Variants in HSPA4 observed in about 807,000 individuals in gnomAD.
HSPA4 encodes heat shock protein family A (Hsp70) member 4, also known as heat shock 70 kDa protein 4.
In HSPA4, 25 loss-of-function variants were observed where a neutral mutation model predicts 106.2. That is an observed-to-expected ratio of 0.24 (90% CI 0.17 to 0.33). The LOEUF is 0.33. Among genes scored for constraint, HSPA4 ranks in the 10% least tolerant of loss-of-function variants. The pLI is 1.00. For missense variants in HSPA4, 841 were observed against 996.0 expected, an observed-to-expected ratio of 0.84 and a Z score of 2.10; for synonymous variants, 332 against 333.6, an observed-to-expected ratio of 1.00 and a Z score of 0.05.
chr5:133,070,154 G>C (rs577026752), intron 3 of HSPA4, among the ~76,000 whole-genome samples: 6 of 151,432 alleles, frequency 4.0e-5, no homozygotes, highest in African/African-American at 1.5e-4. Flanking sequence ...GAGAATGACA[G>C]AGAGAGAGAC....
At chr5:133,103,403 C>T (rs559033345) in intron 17 of HSPA4, among the ~76,000 whole-genome samples, 55 of 151,286 alleles carry the variant, frequency 3.6e-4, no homozygotes, top group African/African-American at 1.3e-3. Context: ...TAGTCTCGCT[C>T]TGTTGCCCAG....
In HSPA4 at chr5:133,089,056, G is replaced by T. The variant is rs1215868756; in HGVS notation, c.1139G>T (p.Cys380Phe). 1 of 1,568,224 alleles carries T rather than the reference G, an allele frequency of 6.4e-7. No individual in the cohort carries two copies. The highest frequency in any genetic ancestry group is 8.7e-7 in the Non-Finnish European group (1 of 1,147,458). ...AATTTTTGAAAATTATTATTCTAGT[G>T]TGCCATCTTATCGCCTGCTTTCAAA... ...EAVTRGCALQ[C>F]AILSPAFKVR... Residue 380 changes from cysteine to phenylalanine, a missense_variant and splice_region_variant, in exon 10 of 19, where the codon TGT becomes TTT. Cys to Phe is a radical substitution (Grantham distance 205). Coordinates refer to ENST00000304858, the MANE Select transcript of HSPA4 (RefSeq NM_002154.4).
chr5:133,088,266 G>T, intron 8 of HSPA4, 138 bp from the exon 9 acceptor site: 1 of 624,706 alleles, frequency 1.6e-6, no homozygotes, highest in Non-Finnish European at 2.9e-6. Flanking sequence ...TGTGAGTGTG[G>T]GCATGAGTAT....
At chr5:133,084,784 A>G (rs934580795) in intron 7 of HSPA4, among the ~76,000 whole-genome samples, 1 of 151,616 alleles carries the variant, frequency 6.6e-6, no homozygotes, top group Admixed American at 6.6e-5. Flanking sequence ...ATTCTTTTTT[A>G]TTGAGATGTA....
chr5:133,079,685 A>C (rs1019116720), intron 7 of HSPA4, among the ~76,000 whole-genome samples: 7 of 152,166 alleles, frequency 4.6e-5, no homozygotes, highest in Non-Finnish European at 7.4e-5. Context: ...TAACTTTTTG[A>C]GGAATCTCCA....
intron 17 of HSPA4, among the ~76,000 whole-genome samples, chr5:133,103,454 C>G (rs145057502): frequency 5.3e-5 from 8 of 151,350 alleles, no homozygotes; most frequent in African/African-American, 1.9e-4. Flanking sequence ...CTGCAAGCTC[C>G]GCCTCCTGGG....
At chr5:133,101,218 G>A (rs563350568) in intron 16 of HSPA4, among the ~76,000 whole-genome samples, 5 of 152,120 alleles carry the variant, frequency 3.3e-5, no homozygotes, top group East Asian at 1.9e-4. Flanking sequence ...TATTGATGTC[G>A]CTTATAACTG....
intron 17 of HSPA4, among the ~76,000 whole-genome samples, chr5:133,103,524 C>A (rs941869520): frequency 8.5e-5 from 13 of 152,136 alleles, no homozygotes; most frequent in Non-Finnish European, 7.4e-5. Context: ...TCCGAACTAG[C>A]ATGCTGAAAC....
Position 133,097,300 on chromosome 5 carries a change from AATATGCCT to A in HSPA4, c.1929+16_1929+23del. On this transcript the variant is annotated intron_variant, in intron 15 of 18. Coordinates refer to ENST00000304858, the MANE Select transcript of HSPA4 (RefSeq NM_002154.4). ...GTGAGTGAAGATGTAAGTCTGCCAC[AATATGCCT>A]AACTACTGTGTGTCTTCTGTGAACA... is the stretch of plus-strand genomic sequence containing the variant. 1 of 1,609,708 alleles carries A rather than the reference AATATGCCT, an allele frequency of 6.2e-7. No individual in the cohort carries two copies. The highest frequency in any genetic ancestry group is 8.5e-7 in the Non-Finnish European group (1 of 1,176,666).
chr5:133,093,171 A>G (rs1174001264), intron 13 of HSPA4, among the ~76,000 whole-genome samples: 1 of 151,872 alleles, frequency 6.6e-6, no homozygotes, highest in African/African-American at 2.4e-5. Flanking sequence ...TTTTTAAAGT[A>G]CATGGTTTTG....
At chr5:133,088,624 T>C (rs1261645363) in intron 9 of HSPA4, 69 bp downstream of exon 9, 11 of 1,349,038 alleles carry the variant, frequency 8.2e-6, no homozygotes, top group Non-Finnish European at 1.2e-5. Flanking sequence ...GGTTTATGTA[T>C]CTAATAACCT....
intron 7 of HSPA4, among the ~76,000 whole-genome samples, chr5:133,077,893 T>G (rs1476018258): frequency 6.6e-6 from 1 of 152,218 alleles, no homozygotes; most frequent in Non-Finnish European, 1.5e-5. Context: ...CTTGTGTGTG[T>G]GTATGTGTGT....
intron 1 of HSPA4, among the ~76,000 whole-genome samples, chr5:133,057,918 A>G (rs1401872707): frequency 6.6e-6 from 1 of 152,268 alleles, no homozygotes; most frequent in East Asian, 1.9e-4. Flanking sequence ...GCAGCAGTAA[A>G]TAGAATGAGT....
chr5:133,096,430 C>A (rs28472934), intron 14 of HSPA4, among the ~76,000 whole-genome samples, 180 bp downstream of exon 14: 2,774 of 152,200 alleles, frequency 0.018, 96 homozygotes, highest in African/African-American at 0.064. Flanking sequence ...TATGTCAATT[C>A]TTTTATGGTG....
At chr5:133,057,616 T>C (rs922907068) in intron 1 of HSPA4, among the ~76,000 whole-genome samples, 8 of 152,194 alleles carry the variant, frequency 5.3e-5, no homozygotes, top group Admixed American at 3.9e-4. Context: ...TGCATAAATA[T>C]TCGGTCAGTA....
intron 4 of HSPA4, among the ~76,000 whole-genome samples, chr5:133,072,988 A>C (rs976517971): frequency 6.6e-6 from 1 of 152,202 alleles, no homozygotes; most frequent in Admixed American, 6.5e-5. Flanking sequence ...TCTTCTCTGC[A>C]GTCACTACTT....
At chr5:133,076,039 C>T (rs1765443157) in intron 6 of HSPA4, 2 of 152,052 alleles carry the variant, frequency 1.3e-5, no homozygotes, top group African/African-American at 4.8e-5. Context: ...GGTTTTATTC[C>T]TTCATAAGGA....
chr5:133,103,529 T>C (rs1765816476), intron 17 of HSPA4, among the ~76,000 whole-genome samples: 1 of 152,198 alleles, frequency 6.6e-6, no homozygotes, highest in Non-Finnish European at 1.5e-5. Flanking sequence ...ACTAGCATGC[T>C]GAAACTTCAG....
chr5:133,066,742 T>C (rs74448079), intron 2 of HSPA4, among the ~76,000 whole-genome samples: 18 of 150,198 alleles, frequency 1.2e-4, no homozygotes, highest in South Asian at 1.0e-3. Context: ...TTTTCTTTTT[T>C]TTTTTTTTTT....
Sources: allele counts gnomAD v4.1 joint callset (sites outside exome capture counted in the v4.1 genomes callset), GRCh38; gene constraint gnomAD v4.1.1; transcripts MANE v1.5; gene names NCBI Gene and HGNC (gene_info 2026-07-23, HGNC 2026-07-21).